The following ZNF229 variants were observed in gnomAD, a reference collection of about 807,000 sequenced individuals.
ZNF229 encodes the protein zinc finger protein 229.
ZNF229 carries 10 observed loss-of-function variants against 11.8 expected under a neutral mutation model. The ratio of observed to expected loss-of-function variants is 0.85; its 90% CI spans 0.52 to 1.44. ZNF229 has a LOEUF of 1.44. Ranked by LOEUF, ZNF229 falls within the 40% of genes most tolerant of loss-of-function variation. The probability of loss-of-function intolerance (pLI) is 0.00; values close to 1 mark genes in which losing one functional copy is unlikely to be tolerated. For missense variants in ZNF229, 1,045 were observed against 1,015.1 expected (o/e 1.03, Z -0.40); for synonymous variants, 368 against 374.8 (o/e 0.98, Z 0.21).
chr19:44,445,983 A>T (rs1461883805), intron 2 of ZNF229, among the ~76,000 whole-genome samples: 1 of 152,152 alleles, frequency 6.6e-6, no homozygotes, highest in African/African-American at 2.4e-5. Context: ...CAGGGCAGAC[A>T]ACGACTCTGT....
intron 4 of ZNF229, among the ~76,000 whole-genome samples, chr19:44,434,697 C>A (rs1338071712): frequency 6.6e-6 from 1 of 152,176 alleles, no homozygotes; most frequent in Non-Finnish European, 1.5e-5. Context: ...GTACCTGCGA[C>A]AAGGTATTGC....
chr19:44,443,157 C>A (rs1398244650), intron 2 of ZNF229, 133 bp from the exon 3 acceptor site: 13 of 392,950 alleles, frequency 3.3e-5, no homozygotes, highest in Non-Finnish European at 5.6e-5. Context: ...TAGTCCCCTA[C>A]TCTGAAGGGG....
At chr19:44,438,863 T>C (rs1432466557) in intron 4 of ZNF229, among the ~76,000 whole-genome samples, 8 of 152,224 alleles carry the variant, frequency 5.3e-5, no homozygotes, top group Admixed American at 5.2e-4. Flanking sequence ...TCTCTTCATC[T>C]GTATCCTTTT....
Position 44,428,806 on chromosome 19 carries a change from G to A in ZNF229, c.1975C>T (p.Gln659Ter). The A allele has an allele frequency of 1.2e-6, 2 of 1,613,052 alleles. No homozygotes were observed. The highest frequency in any genetic ancestry group is 2.2e-5 in the East Asian group (1 of 44,812). The change falls in exon 6 of 6, where the codon CAA becomes TAA. Residue 659 changes from glutamine to a stop codon, truncating the protein, a stop_gained. Coordinates refer to ENST00000614049, the MANE Select transcript of ZNF229 (RefSeq NM_014518.4). LOFTEE classifies it low-confidence loss of function (END_TRUNC). ...VHTGEKPYRC[Q>*]ECGKGFRCTS... ...CACCTAAAGCCCTTTCCGCACTCTT[G>A]GCATCTGTAAGGTTTCTCGCCTGTG...
At chr19:44,432,189 C>G (rs750009236) in intron 5 of ZNF229, 33 bp downstream of exon 5, 1 of 1,588,374 alleles carries the variant, frequency 6.3e-7, no homozygotes, top group Non-Finnish European at 8.5e-7. Context: ...TCTCCAGGAA[C>G]AAGAACACTC....
At position 44,428,095 on chromosome 19, in the gene ZNF229, C is replaced by G; in HGVS notation, c.*208G>C. On this transcript the variant is annotated 3_prime_UTR_variant, in exon 6 of 6. Coordinates refer to ENST00000614049, the MANE Select transcript of ZNF229 (RefSeq NM_014518.4). ...CTTTAAAGCCTACTCCGCTGCACAACAGACTCTTAAAGACTGAAGTTTGTA... is the reference window on the plus strand; with the variant it reads ...CTTTAAAGCCTACTCCGCTGCACAAGAGACTCTTAAAGACTGAAGTTTGTA... The G allele has an allele frequency of 1.8e-6, 1 of 556,596 alleles. No individual in the cohort carries two copies. Among genetic ancestry groups the G allele is most frequent in the East Asian group, 2.9e-5 (1 of 34,460 alleles). 34.5% of individuals were successfully genotyped at this position (556,596 alleles called of 1,614,324 possible).
intron 4 of ZNF229, among the ~76,000 whole-genome samples, chr19:44,438,802 G>C (rs879485646): frequency 2.1e-4 from 32 of 152,146 alleles, no homozygotes; most frequent in Non-Finnish European, 2.9e-4. Flanking sequence ...GACATGCCCA[G>C]AGAGGGCATG....
intron 2 of ZNF229, among the ~76,000 whole-genome samples, chr19:44,446,063 C>A (rs1971998739): frequency 6.6e-6 from 1 of 152,086 alleles, no homozygotes; most frequent in East Asian, 1.9e-4. Flanking sequence ...GTTCCATGTG[C>A]TTAGGATACA....
In ZNF229 at chr19:44,428,833, G is replaced by C; in HGVS notation, c.1948C>G (p.His650Asp). The change falls in exon 6 of 6, where the codon CAC (histidine) becomes GAC (aspartate). Residue 650 changes from histidine (H) to aspartate (D), a missense_variant. Transcript: ENST00000614049. ...CATCTGTAAGGTTTCTCGCCTGTGTGGACTCTCTGGTGAATGAGAAGCCCT... is the reference window on the plus strand; with the variant it reads ...CATCTGTAAGGTTTCTCGCCTGTGTCGACTCTCTGGTGAATGAGAAGCCCT... Reference protein sequence around the residue: ...SSGLLIHQRVHTGEKPYRCQE... With the variant: ...SSGLLIHQRVDTGEKPYRCQE... The C allele has an allele frequency of 6.2e-7, 1 of 1,613,698 alleles. No individual in the cohort carries two copies. The highest frequency in any genetic ancestry group is 8.5e-7 in the Non-Finnish European group (1 of 1,179,924).
Position 44,428,320 on chromosome 19 carries a change from C to T in ZNF229, c.2461G>A (p.Glu821Lys), listed in dbSNP as rs147313651. Residue 821 changes from glutamate (E) to lysine (K), a missense_variant, in exon 6 of 6, where the codon GAG (glutamate) becomes AAG (lysine). By Grantham distance (56) the Glu-to-Lys change is moderately conservative (BLOSUM62 1). Transcript: ENST00000614049. ...LRNHQRVHLGENPYK is the reference protein window; with the variant it reads ...LRNHQRVHLGKNPYK ...ATGTACATCTACTTATAAGGGTTCT[C>T]GCCTAAATGCACTCTTTGGTGGTTC... The T allele has an allele frequency of 4.1e-5, 66 of 1,611,374 alleles. No individual in the cohort carries two copies. Among genetic ancestry groups the T allele is most frequent in the African/African-American group, 2.8e-4 (21 of 74,922 alleles).
In ZNF229 at chr19:44,443,020, G is replaced by A. The variant is rs767204164; in HGVS notation, c.-173C>T. On this transcript the variant is annotated 5_prime_UTR_variant, in exon 3 of 6. Transcript: ENST00000614049. Reference sequence around the variant, plus strand: ...GAGCGCGACTGCTTCCCATGGTCAGGGGACCTGTAGGTTCGGGAGGGAACT... The same window carrying A: ...GAGCGCGACTGCTTCCCATGGTCAGAGGACCTGTAGGTTCGGGAGGGAACT... 3.4e-5 allele frequency: 24 copies of A among 705,824 alleles called. No homozygotes were observed. Among genetic ancestry groups the A allele is most frequent in the Non-Finnish European group, 5.2e-5 (22 of 423,742 alleles). The allele number at this position is 705,824 out of a possible 1,614,324, so 43.7% of individuals were successfully genotyped here. A position where few individuals can be genotyped will look rare whatever the true frequency, so the allele number is the denominator to read the frequency against.
intron 4 of ZNF229, among the ~76,000 whole-genome samples, chr19:44,437,689 T>C (rs754272992): frequency 7.2e-5 from 11 of 152,046 alleles, no homozygotes; most frequent in African/African-American, 2.7e-4. Context: ...GCAGCACTAC[T>C]GACAATAGAA....
Position 44,426,464 on chromosome 19 carries a change from C to G in ZNF229, c.*1839G>C, listed in dbSNP as rs1402987891. 11 of 152,098 alleles carry G rather than the reference C, an allele frequency of 7.2e-5. No individual in the cohort carries two copies. The highest frequency in any genetic ancestry group is 1.6e-4 in the Non-Finnish European group (11 of 68,026). 9.4% of individuals were successfully genotyped at this position (152,098 alleles called of 1,614,324 possible). A position where few individuals can be genotyped will look rare whatever the true frequency, so the allele number is the denominator to read the frequency against. ...CCCACATCTTTTTTTCTCTGTTGCT[C>G]TAAACATACACACAGAAAAACATAC... On this transcript the variant is annotated 3_prime_UTR_variant, in exon 6 of 6. Transcript: ENST00000614049.
Position 44,441,693 on chromosome 19 carries a change from G to T in ZNF229, c.93+870C>A, listed in dbSNP as rs145142322. On this transcript the variant is annotated intron_variant, in intron 4 of 5. Transcript: ENST00000614049. ...ACATATATATGTATATATATTTGTA[G>T]ATATGTGTACATATATGTGTATATA... Among the ~76,000 whole-genome samples the T allele has an allele frequency of 9.5e-3, 1,453 of 152,264 alleles. 17 individuals carry two copies. Among genetic ancestry groups the T allele is most frequent in the African/African-American group, 0.026 (1,100 of 41,542 alleles).
At chr19:44,436,801 A>C (rs998049057) in intron 4 of ZNF229, among the ~76,000 whole-genome samples, 16 of 152,190 alleles carry the variant, frequency 1.1e-4, no homozygotes, top group Admixed American at 2.6e-4. Flanking sequence ...CAGATGTACA[A>C]GTAACTCGGT....
In ZNF229 at chr19:44,441,717, T is replaced by C. The variant is rs146880198; in HGVS notation, c.93+846A>G. ...AGATATGTGTACATATATGTGTATA[T>C]ACACATTTGGCTGTTATGAATGATG... On this transcript the variant is annotated intron_variant, in intron 4 of 5. Coordinates refer to ENST00000614049, the MANE Select transcript of ZNF229 (RefSeq NM_014518.4). Among the ~76,000 whole-genome samples, 1,235 of 152,350 alleles carry C rather than the reference T, an allele frequency of 8.1e-3. 15 individuals carry two copies. Among genetic ancestry groups the C allele is most frequent in the Middle Eastern group, 0.024 (7 of 294 alleles).
intron 4 of ZNF229, among the ~76,000 whole-genome samples, chr19:44,437,289 A>G (rs1315928191): frequency 1.3e-5 from 2 of 152,232 alleles, no homozygotes; most frequent in South Asian, 2.1e-4. Context: ...TCATTTAACT[A>G]TATAAGAACC....
At position 44,432,491 on chromosome 19, in the gene ZNF229, A is replaced by G. The variant is rs1010000340; in HGVS notation, c.94-125T>C. ...TAAGAAAATGTGGCACATATACACC[A>G]TGGAATACTATGCAGCCATAAAAAA... On this transcript the variant is annotated intron_variant, in intron 4 of 5. Coordinates refer to ENST00000614049, the MANE Select transcript of ZNF229 (RefSeq NM_014518.4). 2.3e-6 allele frequency: 3 copies of G among 1,321,708 alleles called. No homozygotes were observed. The African/African-American group carries it at 4.7e-5, about 21-fold the overall frequency. The allele number at this position is 1,321,708 out of a possible 1,614,324, so 81.9% of individuals were successfully genotyped here. A position where few individuals can be genotyped will look rare whatever the true frequency, so the allele number is the denominator to read the frequency against.
At chr19:44,442,782 T>TCCCCCCCCCC in intron 3 of ZNF229, 32 bp downstream of exon 3, 206 of 1,544,482 alleles carry the variant, frequency 1.3e-4, no homozygotes, top group Non-Finnish European at 1.7e-4. Flanking sequence ...GTTTGGATTC[T>TCCCCCCCCCC]CCCCCCACCC....
Sources: allele counts gnomAD v4.1 joint callset (sites outside exome capture counted in the v4.1 genomes callset), GRCh38; gene constraint gnomAD v4.1.1; transcripts MANE v1.5; gene names NCBI Gene and HGNC (gene_info 2026-07-23, HGNC 2026-07-21).